The following DLG2 variants were observed in gnomAD, a reference collection of about 807,000 sequenced individuals.
DLG2 encodes the protein discs large MAGUK scaffold protein 2.
Under a neutral mutation model 132.5 loss-of-function variants are expected in DLG2, and 45 were observed. The observed-to-expected ratio is 0.34, with a 90% CI of 0.27 to 0.44. The LOEUF is 0.44. Ranked by LOEUF, DLG2 falls within the 20% of genes least tolerant of loss-of-function variation. The pLI, the probability that DLG2 is intolerant of heterozygous loss-of-function variation, is 1.00. For missense variants in DLG2, 1,045 were observed against 1,196.9 expected (o/e 0.87, Z 1.87); for synonymous variants, 424 against 419.6 (o/e 1.01, Z -0.13).
At chr11:84,863,843 T>C (rs1287386734) in intron 6 of DLG2, among the ~76,000 whole-genome samples, 2 of 152,184 alleles carry the variant, frequency 1.3e-5, no homozygotes, top group African/African-American at 4.8e-5. Flanking sequence ...GCTGGGTTGT[T>C]TTCTGCAGCC....
chr11:83,692,194 A>T (rs1423664957), intron 18 of DLG2: 1 of 152,228 alleles, frequency 6.6e-6, no homozygotes, highest in East Asian at 1.9e-4. Flanking sequence ...ATTAGAAAAC[A>T]AGCAAACAAA....
At chr11:84,062,234 A>G (rs1205368499) in intron 10 of DLG2, among the ~76,000 whole-genome samples, 1 of 152,202 alleles carries the variant, frequency 6.6e-6, no homozygotes, top group Non-Finnish European at 1.5e-5. Context: ...ACTAGCAGTC[A>G]GGAGGCCTGG....
In DLG2 at chr11:85,554,315, A is replaced by G. The variant is rs144081089; in HGVS notation, c.40+44342T>C. On this transcript the variant is annotated intron_variant, in intron 3 of 27. Coordinates refer to ENST00000376104, the MANE Select transcript of DLG2 (RefSeq NM_001142699.3). ...AAATAATATTAGAAATGAAAAATAA[A>G]CAATTACAAGTAGAGATTTAAAAAT... Among the ~76,000 whole-genome samples the G allele has an allele frequency of 5.1e-3, 776 of 152,030 alleles. 10 individuals are homozygous for G. The highest frequency in any genetic ancestry group is 0.017 in the African/African-American group (722 of 41,546).
chr11:84,289,261 C>T (rs1010720757), intron 7 of DLG2, among the ~76,000 whole-genome samples: 4 of 151,956 alleles, frequency 2.6e-5, no homozygotes, highest in South Asian at 2.1e-4. Flanking sequence ...CAGTCATTAA[C>T]GAACAATGCT....
intron 19 of DLG2, among the ~76,000 whole-genome samples, chr11:83,543,537 C>G (rs1592835602): frequency 6.6e-6 from 1 of 152,252 alleles, no homozygotes. Flanking sequence ...TACAGCTAGT[C>G]AGCTGGGCAA....
chr11:83,581,375 A>G (rs1474692757), intron 19 of DLG2, among the ~76,000 whole-genome samples: 1 of 152,232 alleles, frequency 6.6e-6, no homozygotes, highest in Non-Finnish European at 1.5e-5. Context: ...AACAGAACAC[A>G]GAATTACACT....
At position 85,402,660 on chromosome 11, in the gene DLG2, C is replaced by A. The variant is rs187845626; in HGVS notation, c.41-117295G>T. Among the ~76,000 whole-genome samples, 119 of 152,178 alleles carry A rather than the reference C, an allele frequency of 7.8e-4. 1 individual carries two copies. Among genetic ancestry groups the A allele is most frequent in the Admixed American group, 1.5e-3 (23 of 15,270 alleles). ...AAATTTACAAGAAAAAAACAAACAA[C>A]CCTATCAAAAAGTAGGCGAAGGACA... On this transcript the variant is annotated intron_variant, in intron 3 of 27. Transcript: ENST00000376104.
chr11:85,411,612 G>C (rs1757403260), intron 3 of DLG2, among the ~76,000 whole-genome samples: 1 of 151,860 alleles, frequency 6.6e-6, no homozygotes. Flanking sequence ...ATGTCATTCA[G>C]TCATATGCAT....
At chr11:83,804,443 A>G (rs1376797981) in intron 17 of DLG2, among the ~76,000 whole-genome samples, 14 of 151,998 alleles carry the variant, frequency 9.2e-5, no homozygotes, top group Non-Finnish European at 7.4e-5. Flanking sequence ...GAAAAATTTC[A>G]AATTATAGAA....
At chr11:84,658,893 A>G (rs896499831) in intron 6 of DLG2, among the ~76,000 whole-genome samples, 5 of 152,198 alleles carry the variant, frequency 3.3e-5, no homozygotes, top group Non-Finnish European at 7.3e-5. Flanking sequence ...ACACTGGACT[A>G]ACACAGCTCC....
rs141240360 is a variant in DLG2, at chr11:84,098,967, C to T, written c.705G>A (p.Thr235=). ...HIGDDPGIFI[T]KIIPGGAAAE... is the part of the protein sequence containing the mutation. ...CTGCAGCACCTCCTGGTATAATCTTCGTAATAAATATGCCAGGGTCATCTC... is the reference window on the plus strand; with the variant it reads ...CTGCAGCACCTCCTGGTATAATCTTTGTAATAAATATGCCAGGGTCATCTC... The change falls in exon 10 of 28, where the codon ACG becomes ACA. Residue 235 remains threonine (T), a synonymous_variant. Transcript: ENST00000376104. 5 of 1,613,386 alleles carry T rather than the reference C, an allele frequency of 3.1e-6. No individual in the cohort carries two copies. Among genetic ancestry groups the T allele is most frequent in the South Asian group, 2.2e-5 (2 of 91,036 alleles).
Position 85,215,297 on chromosome 11 carries a change from G to A in DLG2, c.187-60646C>T, listed in dbSNP as rs184108087. 8.8e-4 allele frequency among the ~76,000 whole-genome samples: 134 copies of A among 152,158 alleles called. 1 individual carries two copies. Among genetic ancestry groups the A allele is most frequent in the Admixed American group, 7.3e-3 (111 of 15,274 alleles). ...GGGTGCTTACTAATTTTTTGCTAAT[G>A]GTTACTGATAAAACAAAATTTAAAA... On this transcript the variant is annotated intron_variant, in intron 4 of 27. Coordinates refer to ENST00000376104, the MANE Select transcript of DLG2 (RefSeq NM_001142699.3).
chr11:84,473,534 A>C (rs1185248885), intron 7 of DLG2, among the ~76,000 whole-genome samples: 1 of 152,018 alleles, frequency 6.6e-6, no homozygotes, highest in South Asian at 2.1e-4. Context: ...TGCATGGAAG[A>C]ATGCCATCAC....
intron 22 of DLG2, among the ~76,000 whole-genome samples, chr11:83,480,931 C>T (rs1372193008): frequency 6.6e-6 from 1 of 152,044 alleles, no homozygotes; most frequent in Non-Finnish European, 1.5e-5. Context: ...TAAATAGTTC[C>T]TAAACACATT....
At chr11:84,399,086 G>T (rs1318613972) in intron 7 of DLG2, among the ~76,000 whole-genome samples, 9 of 152,116 alleles carry the variant, frequency 5.9e-5, no homozygotes, top group Admixed American at 5.9e-4. Context: ...TCTTAATTGT[G>T]TCTTTCATGA....
intron 10 of DLG2, among the ~76,000 whole-genome samples, chr11:84,077,921 A>C (rs2096850998): frequency 6.6e-6 from 1 of 152,192 alleles, no homozygotes; most frequent in South Asian, 2.1e-4. Context: ...ACACATGTAC[A>C]AATATAAATC....
At chr11:85,012,686 T>C (rs963722261) in intron 6 of DLG2, among the ~76,000 whole-genome samples, 3 of 152,186 alleles carry the variant, frequency 2.0e-5, no homozygotes, top group African/African-American at 7.2e-5. Flanking sequence ...GTTACTGTTA[T>C]GGATATAAAA....
At chr11:84,166,947 T>G (rs1379767073) in intron 8 of DLG2, 1 of 533,304 alleles carries the variant, frequency 1.9e-6, no homozygotes, top group Non-Finnish European at 3.8e-6. Context: ...TACGGTAATA[T>G]TTAAGTACCT....
intron 21 of DLG2, among the ~76,000 whole-genome samples, chr11:83,503,404 T>TAG (rs1280349999): frequency 6.3e-5 from 3 of 47,422 alleles, no homozygotes; most frequent in East Asian, 1.5e-3. Context: ...TATATATATA[T>TAG]ATATATATAT....
Sources: allele counts gnomAD v4.1 joint callset (sites outside exome capture counted in the v4.1 genomes callset), GRCh38; gene constraint gnomAD v4.1.1; transcripts MANE v1.5; gene names NCBI Gene and HGNC (gene_info 2026-07-23, HGNC 2026-07-21).